The following PSMD1 variants were observed in gnomAD, a reference collection of about 807,000 sequenced individuals.
PSMD1 encodes proteasome 26S subunit, non-ATPase 1.
In PSMD1, 18 loss-of-function variants were observed where a neutral mutation model predicts 119.0. The observed-to-expected ratio is 0.15, with a 90% CI of 0.10 to 0.22. PSMD1 has a LOEUF of 0.22. PSMD1 is among the 10% of genes least tolerant of loss of function. The probability of loss-of-function intolerance (pLI) is 1.00; values close to 1 mark genes in which losing one functional copy is unlikely to be tolerated. For synonymous variants in PSMD1, 374 were observed against 396.6 expected, an observed-to-expected ratio of 0.94 and a Z score of 0.68; for missense variants, 702 against 1,158.5, an observed-to-expected ratio of 0.61 and a Z score of 5.72.
intron 16 of PSMD1, chr2:231,108,687 T>TA (rs760960108): frequency 1.1e-5 from 18 of 1,614,038 alleles, no homozygotes; most frequent in East Asian, 4.5e-5. Context: ...TTGAAAAACT[T>TA]AGAGTTCTCT....
intron 2 of PSMD1, 22 bp downstream of exon 2, chr2:231,061,332 A>T: frequency 6.4e-7 from 1 of 1,556,692 alleles, no homozygotes; most frequent in Non-Finnish European, 8.8e-7. Context: ...AGAATAAGTA[A>T]CTAGGCTTAG....
chr2:231,075,887 TG>T (rs746225478), intron 8 of PSMD1, among the ~76,000 whole-genome samples: 47 of 152,172 alleles, frequency 3.1e-4, no homozygotes, highest in Non-Finnish European at 5.9e-4. Context: ...CAAGCCACCA[TG>T]CCCAGCGAGT....
At chr2:231,135,544 T>C (rs1213084427) in intron 16 of PSMD1, among the ~76,000 whole-genome samples, 1 of 152,140 alleles carries the variant, frequency 6.6e-6, no homozygotes. Flanking sequence ...CTTACTGTTA[T>C]TTTTCTCAGT....
rs185969599 is a variant in PSMD1, at chr2:231,138,758, G to A, written c.1906G>A (p.Val636Ile). The A allele has an allele frequency of 1.7e-5, 27 of 1,614,078 alleles. No individual in the cohort carries two copies. The Admixed American group carries it at 3.2e-4, about 19-fold the overall frequency. ...LFRTPEQCPS[V>I]VSLLSESYNP... ...CAGAACCCCTGAACAGTGCCCAAGT[G>A]TTGTCTCTTTGTTGTCAGAGAGTTA... is the stretch of plus-strand genomic sequence containing the variant. Residue 636 changes from valine (V) to isoleucine (I), a missense_variant, in exon 17 of 25, where the codon GTT (valine) becomes ATT (isoleucine). Physicochemically the swap from Val to Ile is conservative, Grantham distance 29. Transcript: ENST00000308696.
chr2:231,111,099 G>A (rs1002851724), intron 16 of PSMD1, among the ~76,000 whole-genome samples: 2 of 152,138 alleles, frequency 1.3e-5, no homozygotes, highest in African/African-American at 4.8e-5. Context: ...ACCTGCTATA[G>A]TCTTCTCTCC....
chr2:231,137,487 A>G (rs7593833), intron 16 of PSMD1, among the ~76,000 whole-genome samples: 3,400 of 152,200 alleles, frequency 0.022, 132 homozygotes, highest in African/African-American at 0.078. Context: ...CTAGAGCTGT[A>G]TATGCAGCTT....
At chr2:231,131,761 CAAAAAAAAAAAAAAA>C (rs540366686) in intron 16 of PSMD1, among the ~76,000 whole-genome samples, 3 of 11,842 alleles carry the variant, frequency 2.5e-4, no homozygotes, top group South Asian at 7.8e-3. Flanking sequence ...GACTCCGTCT[CAAAAAAAAAAAAAAA>C]AAAAAAAAAA....
intron 12 of PSMD1, among the ~76,000 whole-genome samples, chr2:231,081,657 A>G (rs1694312676): frequency 6.6e-6 from 1 of 152,244 alleles, no homozygotes; most frequent in East Asian, 1.9e-4. Context: ...CAGTCCCACC[A>G]GGACTCTAAC....
At chr2:231,108,250 T>G (rs1470003803) in intron 16 of PSMD1, 3 of 343,246 alleles carry the variant, frequency 8.7e-6, no homozygotes, top group Non-Finnish European at 1.6e-5. Flanking sequence ...AGCCTGAAAT[T>G]TATTGATTTG....
intron 16 of PSMD1, among the ~76,000 whole-genome samples, chr2:231,119,688 T>C (rs1300345012): frequency 6.6e-6 from 1 of 151,904 alleles, no homozygotes; most frequent in East Asian, 1.9e-4. Context: ...CTGGCCAAAG[T>C]GGCAAAACCC....
chr2:231,169,293 CG>C (rs1443444505), intron 23 of PSMD1, among the ~76,000 whole-genome samples: 3 of 152,078 alleles, frequency 2.0e-5, no homozygotes, highest in Non-Finnish European at 2.9e-5. Context: ...CTCATGTGAA[CG>C]TGGATATTTT....
At chr2:231,098,839 T>C (rs889215471) in intron 16 of PSMD1, among the ~76,000 whole-genome samples, 3 of 152,228 alleles carry the variant, frequency 2.0e-5, no homozygotes, top group African/African-American at 7.2e-5. Flanking sequence ...TCTGAACTGG[T>C]TAGGGGAGCA....
At chr2:231,168,166 C>T (rs756482757) in intron 23 of PSMD1, among the ~76,000 whole-genome samples, 4 of 152,102 alleles carry the variant, frequency 2.6e-5, no homozygotes, top group Admixed American at 6.5e-5. Flanking sequence ...TCAAAAAGAC[C>T]GCACAGACAA....
At chr2:231,143,728 T>G (rs1315464367) in intron 17 of PSMD1, among the ~76,000 whole-genome samples, 2 of 152,244 alleles carry the variant, frequency 1.3e-5, no homozygotes, top group Non-Finnish European at 2.9e-5. Context: ...TGTATACATA[T>G]ATTTTGTATC....
rs186024223 is a variant in PSMD1, at chr2:231,079,776, T to G, written c.1239+162T>G. Among the ~76,000 whole-genome samples the G allele has an allele frequency of 1.2e-3, 188 of 152,304 alleles. 2 individuals carry two copies. The highest frequency in any genetic ancestry group is 0.011 in the Admixed American group (169 of 15,298). ...TAAAGTAAATAAGATACTGAAGTAT[T>G]TATATGTGTGTTTGTTTTTAATAAA... On this transcript the variant is annotated intron_variant, in intron 11 of 24. Transcript: ENST00000308696.
chr2:231,149,006 A>C (rs1176868788), intron 18 of PSMD1, among the ~76,000 whole-genome samples: 2 of 152,238 alleles, frequency 1.3e-5, no homozygotes, highest in Non-Finnish European at 2.9e-5. Flanking sequence ...TTTCATCAAG[A>C]GTTATAAACC....
At chr2:231,156,084 G>A (rs1696499401) in intron 19 of PSMD1, among the ~76,000 whole-genome samples, 1 of 152,078 alleles carries the variant, frequency 6.6e-6, no homozygotes, top group Admixed American at 6.6e-5. Flanking sequence ...ATATTTAAAT[G>A]GATTCAGTGC....
chr2:231,087,299 A>G (rs1055421673), intron 16 of PSMD1, 118 bp downstream of exon 16: 4 of 772,312 alleles, frequency 5.2e-6, no homozygotes, highest in East Asian at 5.4e-5. Context: ...CCTGAGGAGT[A>G]TATCTGGGTT....
chr2:231,061,027 G>A (rs1315955021), intron 1 of PSMD1, among the ~76,000 whole-genome samples: 1 of 152,184 alleles, frequency 6.6e-6, no homozygotes. Context: ...GGAACACACT[G>A]AAAACCATTG....
Sources: allele counts gnomAD v4.1 joint callset (sites outside exome capture counted in the v4.1 genomes callset), GRCh38; gene constraint gnomAD v4.1.1; transcripts MANE v1.5; gene names NCBI Gene and HGNC (gene_info 2026-07-23, HGNC 2026-07-21).